MID2: variants seen among roughly 807,000 people sequenced by gnomAD.
MID2 encodes the protein midline 2, also known as probable E3 ubiquitin-protein ligase MID2.
A neutral mutation model predicts 46.1 loss-of-function variants in MID2; 13 were observed. The ratio of observed to expected loss-of-function variants is 0.28; its 90% confidence interval spans 0.18 to 0.45. MID2 has a LOEUF of 0.45. MID2 is among the 20% of genes least tolerant of loss of function. MID2 has a pLI of 1.00. For missense variants in MID2, 431 were observed against 575.4 expected (o/e 0.75, Z 2.57); for synonymous variants, 199 against 212.3 (o/e 0.94, Z 0.55).
At position 107,840,906 on chromosome X, in the gene MID2, T is replaced by A; in HGVS notation, c.241T>A (p.Tyr81Asn). ...ITAFQCPTCR[Y>N]VISLNHRGLD... is the part of the protein sequence containing the mutation. ...TGCTTTCCAGTGTCCTACCTGCAGG[T>A]ATGTTATCTCGCTGAACCACCGGGG... The change falls in exon 2 of 10, where the codon TAT becomes AAT. Residue 81 changes from tyrosine (Y) to asparagine (N), a missense_variant. Tyr to Asn is a moderately radical substitution (Grantham distance 143). Coordinates refer to ENST00000262843, the MANE Select transcript of MID2 (RefSeq NM_012216.4). The A allele has an allele frequency of 1.7e-6, 2 of 1,211,331 alleles. No homozygotes were observed. The highest frequency in any genetic ancestry group is 5.9e-5 in the East Asian group (2 of 33,836).
intron 2 of MID2, 37 bp from the exon 3 acceptor site, chrX:107,854,572 C>T (rs762897219): frequency 6.8e-6 from 7 of 1,032,965 alleles, no homozygotes; most frequent in South Asian, 1.9e-5. Context: ...CCCCTCTTCT[C>T]GGTTCCCCTC....
chrX:107,912,569 T>A (rs189703194), intron 5 of MID2, among the ~76,000 whole-genome samples: 1 of 111,947 alleles, frequency 8.9e-6, no homozygotes, highest in East Asian at 2.8e-4. Flanking sequence ...TTTGTTTTGT[T>A]TTGCCTTTGT....
At chrX:107,859,895 G>A (rs570950330) in intron 3 of MID2, among the ~76,000 whole-genome samples, 2 of 112,055 alleles carry the variant, frequency 1.8e-5, no homozygotes, top group East Asian at 5.6e-4. Context: ...GTATGGAGAA[G>A]TGAGTAGCTT....
Position 107,917,703 on chromosome X carries a change from G to C in MID2, c.1399G>C (p.Ala467Pro). Residue 467 changes from alanine (A) to proline (P), a missense_variant, in exon 7 of 10, where the codon GCA (alanine) becomes CCA (proline). Transcript: ENST00000262843. The part of the protein sequence containing the change: ...LWPEIRKCKE[A>P]VSCSRLAGAP... ...GCCAGAGATAAGGAAATGTAAGGAA[G>C]CAGTAAGCTGCTCAAGATTGGCCGG... 8.2e-7 allele frequency: 1 copy of C among 1,212,179 alleles called. No homozygotes were observed. Among genetic ancestry groups the C allele is most frequent in the Non-Finnish European group, 1.1e-6 (1 of 895,565 alleles).
intron 3 of MID2, among the ~76,000 whole-genome samples, chrX:107,860,423 G>C (rs971001840): frequency 8.9e-6 from 1 of 111,862 alleles, no homozygotes; most frequent in Admixed American, 9.5e-5. Flanking sequence ...TGGCTAGCTG[G>C]ATTTAGAGGT....
chrX:107,889,993 AT>A (rs960727762), intron 3 of MID2, among the ~76,000 whole-genome samples: 1 of 111,209 alleles, frequency 9.0e-6, no homozygotes. Context: ...ACTTCTCTGC[AT>A]TGGTTATTCT....
intron 3 of MID2, among the ~76,000 whole-genome samples, chrX:107,898,388 C>T (rs1362332044): frequency 1.8e-5 from 2 of 111,913 alleles, no homozygotes; most frequent in East Asian, 2.8e-4. Context: ...TCTGCCTAAA[C>T]TTGTCTCCCC....
Position 107,931,445 on chromosome X carries a change from T to C in MID2, c.*4372T>C, listed in dbSNP as rs974761802. Among the ~76,000 whole-genome samples the C allele has an allele frequency of 2.7e-5, 3 of 111,616 alleles. No homozygotes were observed. Among genetic ancestry groups the C allele is most frequent in the African/African-American group, 9.8e-5 (3 of 30,720 alleles). ...TTATTGGCTAGACTATTTATTAGAC[T>C]ATTGTTGGACTATTTTTTATCAAAT... is the stretch of plus-strand genomic sequence containing the variant. On this transcript the variant is annotated 3_prime_UTR_variant, in exon 10 of 10. Coordinates refer to ENST00000262843, the MANE Select transcript of MID2 (RefSeq NM_012216.4).
At position 107,928,264 on chromosome X, in the gene MID2, A is replaced by C. The variant is rs1933221354; in HGVS notation, c.*1191A>C. 8.9e-6 allele frequency among the ~76,000 whole-genome samples: 1 copy of C among 111,932 alleles called. No homozygotes were observed. Among genetic ancestry groups the C allele is most frequent in the Non-Finnish European group, 1.9e-5 (1 of 53,128 alleles). The stretch of plus-strand genomic sequence containing the variant: ...TGTCTGAAAACAGTTTGTTTTCTTA[A>C]ATAGGATAAATAATCATTCCTTTTG... On this transcript the variant is annotated 3_prime_UTR_variant, in exon 10 of 10. Coordinates refer to ENST00000262843, the MANE Select transcript of MID2 (RefSeq NM_012216.4).
rs925816760 is a variant in MID2 at position 107,927,260 on chromosome X, A to C, written c.*187A>C. On this transcript the variant is annotated 3_prime_UTR_variant, in exon 10 of 10. Transcript: ENST00000262843. The stretch of plus-strand genomic sequence containing the variant: ...TTTGAATTAATTTATTGAGTTTTTC[A>C]GAACAAATTATCTGAGTAGTCTGCG... The C allele has an allele frequency of 3.0e-5, 12 of 394,506 alleles. No homozygotes were observed. The highest frequency in any genetic ancestry group is 5.0e-5 in the Non-Finnish European group (12 of 242,029). The allele number at this position is 394,506 out of a possible 1,213,427, so 32.5% of individuals were successfully genotyped here.
chrX:107,840,183 A>C (rs1430091644), intron 1 of MID2, among the ~76,000 whole-genome samples: 1 of 112,398 alleles, frequency 8.9e-6, no homozygotes, highest in Non-Finnish European at 1.9e-5. Context: ...GAATGGAATC[A>C]TTTCAGGAAG....
chrX:107,908,138 C>G (rs987040059), intron 5 of MID2, among the ~76,000 whole-genome samples: 6 of 112,392 alleles, frequency 5.3e-5, no homozygotes, highest in African/African-American at 1.9e-4. Flanking sequence ...TCAGCTCTAT[C>G]AGATGTTTTT....
At chrX:107,834,972 T>G (rs1164916821) in intron 1 of MID2, among the ~76,000 whole-genome samples, 1 of 111,625 alleles carries the variant, frequency 9.0e-6, no homozygotes, top group African/African-American at 3.3e-5. Context: ...ACTATCTAAT[T>G]TTAGAACCTT....
chrX:107,889,676 T>C (rs1396663859), intron 3 of MID2, among the ~76,000 whole-genome samples: 1 of 112,104 alleles, frequency 8.9e-6, no homozygotes, highest in Admixed American at 9.4e-5. Flanking sequence ...CCTTGCTGGA[T>C]TGGGGAATTT....
chrX:107,841,701 A>G (rs182905785), intron 2 of MID2, among the ~76,000 whole-genome samples: 1 of 112,440 alleles, frequency 8.9e-6, no homozygotes, highest in Admixed American at 9.4e-5. Flanking sequence ...CTTTGCTATG[A>G]TCTTTCCACC....
chrX:107,871,127 C>T (rs1304179300), intron 3 of MID2, among the ~76,000 whole-genome samples: 1 of 111,322 alleles, frequency 9.0e-6, no homozygotes, highest in Non-Finnish European at 1.9e-5. Context: ...TTAGTGTGTG[C>T]TCTTTCATTA....
chrX:107,904,003 G>A lies in MID2; in HGVS notation c.862G>A (p.Glu288Lys), dbSNP rs1036339320. The change falls in exon 4 of 10, where the codon GAG becomes AAG. Residue 288 changes from glutamate to lysine, a missense_variant. By Grantham distance (56) the Glu-to-Lys change is moderately conservative. Coordinates refer to ENST00000262843, the MANE Select transcript of MID2 (RefSeq NM_012216.4). Reference sequence around the variant, plus strand: ...GGCAAAACTTATGGAAGAATGTGACGAGTTGGTAGAGATCATCCAGCAGAG... The same window carrying A: ...GGCAAAACTTATGGAAGAATGTGACAAGTTGGTAGAGATCATCCAGCAGAG... ...HEAKLMEECD[E>K]LVEIIQQRKQ... The A allele has an allele frequency of 2.5e-6, 3 of 1,209,997 alleles. No individual in the cohort carries two copies. The highest frequency in any genetic ancestry group is 3.4e-6 in the Non-Finnish European group (3 of 893,947).
intron 1 of MID2, among the ~76,000 whole-genome samples, chrX:107,835,434 A>G (rs1779123247): frequency 8.9e-6 from 1 of 112,367 alleles, no homozygotes; most frequent in Admixed American, 9.4e-5. Context: ...ACTATTTCCC[A>G]AAAGCAGCTG....
intron 3 of MID2, among the ~76,000 whole-genome samples, chrX:107,889,764 G>A (rs1274085367): frequency 7.1e-5 from 8 of 112,038 alleles, no homozygotes; most frequent in East Asian, 2.8e-4. Flanking sequence ...CCAATCAGAC[G>A]TAGATTTGGT....
Sources: allele counts gnomAD v4.1 joint callset (sites outside exome capture counted in the v4.1 genomes callset), GRCh38; gene constraint gnomAD v4.1.1; transcripts MANE v1.5; gene names NCBI Gene and HGNC (gene_info 2026-07-23, HGNC 2026-07-21).